The following SRBD1 variants were observed in gnomAD, a reference collection of about 807,000 sequenced individuals.
The protein encoded by SRBD1 is S1 RNA-binding domain-containing protein 1.
Under a neutral mutation model 115.3 loss-of-function variants are expected in SRBD1, and 88 were observed. That is an observed-to-expected ratio of 0.76 (90% CI 0.64 to 0.91). The LOEUF is 0.91. Ranked by LOEUF, SRBD1 falls within the 40% of genes least tolerant of loss-of-function variation. The pLI is 0.00. For missense variants in SRBD1, 1,385 were observed against 1,177.4 expected (o/e 1.18, Z -2.58); for synonymous variants, 509 against 407.7 (o/e 1.25, Z -2.99).
intron 14 of SRBD1, among the ~76,000 whole-genome samples, chr2:45,513,247 C>G (rs1233645931): frequency 1.3e-5 from 2 of 152,114 alleles, no homozygotes; most frequent in African/African-American, 4.8e-5. Flanking sequence ...TCATACGAAA[C>G]TGTGTTAGCC....
intron 14 of SRBD1, among the ~76,000 whole-genome samples, chr2:45,538,991 A>G (rs967412529): frequency 6.6e-6 from 1 of 152,214 alleles, no homozygotes; most frequent in African/African-American, 2.4e-5. Flanking sequence ...TATCCTGAGG[A>G]AAGAACTAAA....
intron 14 of SRBD1, among the ~76,000 whole-genome samples, chr2:45,541,716 AG>A (rs1384339601): frequency 6.6e-6 from 1 of 152,166 alleles, no homozygotes; most frequent in Non-Finnish European, 1.5e-5. Flanking sequence ...GGCAGTGGGT[AG>A]CCCCATTCTG....
At chr2:45,422,977 A>C (rs534219646) in intron 16 of SRBD1, among the ~76,000 whole-genome samples, 2 of 152,342 alleles carry the variant, frequency 1.3e-5, no homozygotes, top group African/African-American at 4.8e-5. Context: ...GATAGTGACA[A>C]AATTGAGAGA....
rs1365665325 is a variant in SRBD1 at position 45,393,117 on chromosome 2, G to A, written c.2526C>T (p.Ser842=). 1.2e-6 allele frequency: 2 copies of A among 1,600,418 alleles called. No individual in the cohort carries two copies. The highest frequency in any genetic ancestry group is 1.7e-6 in the Non-Finnish European group (2 of 1,175,854). Reference sequence around the variant, plus strand: ...CAACCTCATACAGTGTCCCTCCAATGGATGACAAAAACCTGCAGTGGAAAA... The same window carrying A: ...CAACCTCATACAGTGTCCCTCCAATAGATGACAAAAACCTGCAGTGGAAAA... ...SYDIAMRFLS[S]IGGTLYEVGK... is the part of the protein sequence containing the mutation. The change falls in exon 20 of 21, where the codon TCC becomes TCT. Residue 842 remains serine (S), a synonymous_variant. Transcript: ENST00000263736.
intron 16 of SRBD1, among the ~76,000 whole-genome samples, chr2:45,471,350 T>C (rs1161104581): frequency 6.6e-6 from 1 of 152,188 alleles, no homozygotes; most frequent in Non-Finnish European, 1.5e-5. Flanking sequence ...TTTAAAATAC[T>C]ACAAGAACAA....
At chr2:45,437,336 C>G (rs1668527295) in intron 16 of SRBD1, among the ~76,000 whole-genome samples, 1 of 129,662 alleles carries the variant, frequency 7.7e-6, no homozygotes, top group African/African-American at 3.0e-5. Flanking sequence ...GCATAGTAAT[C>G]AAGACACTGC....
intron 3 of SRBD1, 104 bp downstream of exon 3, chr2:45,601,799 G>T: frequency 1.4e-6 from 2 of 1,463,724 alleles, no homozygotes; most frequent in South Asian, 2.8e-5. Flanking sequence ...ATTGCTGGCA[G>T]TTTTTGTCAT....
At chr2:45,499,617 T>C (rs1670563720) in intron 14 of SRBD1, among the ~76,000 whole-genome samples, 1 of 152,218 alleles carries the variant, frequency 6.6e-6, no homozygotes, top group African/African-American at 2.4e-5. Context: ...TTTAGCAGTT[T>C]TATAGTTTCA....
At chr2:45,535,292 A>G (rs1223043290) in intron 14 of SRBD1, among the ~76,000 whole-genome samples, 1 of 151,620 alleles carries the variant, frequency 6.6e-6, no homozygotes, top group African/African-American at 2.4e-5. Context: ...GCTGAGGTCC[A>G]GATGTTTCTA....
At chr2:45,405,123 C>T (rs922104375) in intron 19 of SRBD1, among the ~76,000 whole-genome samples, 2 of 152,170 alleles carry the variant, frequency 1.3e-5, no homozygotes, top group Admixed American at 1.3e-4. Context: ...TTTTATCACA[C>T]TGTATAATTT....
At chr2:45,453,511 T>C (rs959729609) in intron 16 of SRBD1, among the ~76,000 whole-genome samples, 2 of 151,832 alleles carry the variant, frequency 1.3e-5, no homozygotes, top group African/African-American at 4.8e-5. Context: ...TTTTAATCAC[T>C]CCAGGGAAGA....
intron 9 of SRBD1, among the ~76,000 whole-genome samples, chr2:45,571,534 A>C (rs906111724): frequency 6.7e-6 from 1 of 149,910 alleles, no homozygotes; most frequent in Non-Finnish European, 1.5e-5. Context: ...AAAAAAAAAA[A>C]AAAAAAAACT....
At chr2:45,422,150 G>A (rs1280074582) in intron 16 of SRBD1, among the ~76,000 whole-genome samples, 2 of 152,134 alleles carry the variant, frequency 1.3e-5, no homozygotes, top group Non-Finnish European at 2.9e-5. Flanking sequence ...AAGAATAATC[G>A]TTAAGAGCCA....
chr2:45,558,687 T>TA (rs1222158572), intron 10 of SRBD1, among the ~76,000 whole-genome samples: 6 of 118,100 alleles, frequency 5.1e-5, no homozygotes, highest in Non-Finnish European at 1.0e-4. Flanking sequence ...ACACAATTAT[T>TA]TTTTTTTTTT....
At chr2:45,495,760 C>T (rs368507587) in intron 14 of SRBD1, among the ~76,000 whole-genome samples, 1 of 152,096 alleles carries the variant, frequency 6.6e-6, no homozygotes, top group Non-Finnish European at 1.5e-5. Context: ...TGGAAGAAAC[C>T]GTTGTTTGCA....
intron 14 of SRBD1, among the ~76,000 whole-genome samples, chr2:45,501,745 G>A (rs1431541315): frequency 2.6e-5 from 4 of 152,178 alleles, no homozygotes; most frequent in Non-Finnish European, 4.4e-5. Flanking sequence ...CTGGGGTAGG[G>A]GCACCTGCCA....
intron 15 of SRBD1, among the ~76,000 whole-genome samples, chr2:45,484,993 T>C (rs1435856410): frequency 2.0e-5 from 3 of 152,240 alleles, no homozygotes; most frequent in African/African-American, 7.2e-5. Context: ...TTTCATCATG[T>C]GAGTTGTTTC....
intron 14 of SRBD1, among the ~76,000 whole-genome samples, chr2:45,541,194 G>A (rs1344816741): frequency 6.6e-6 from 1 of 152,232 alleles, no homozygotes; most frequent in East Asian, 1.9e-4. Context: ...GCTGTGGCTG[G>A]ACCAGATATA....
rs1444317330 is a variant in SRBD1 at position 45,499,771 on chromosome 2, G to A, written c.1875-11440C>T. Reference sequence around the variant, plus strand: ...AGAGGCTGTCCTTTCCCCAGTGTGTGTTCTTGGCACCACTGTCAAAATGAG... The same window carrying A: ...AGAGGCTGTCCTTTCCCCAGTGTGTATTCTTGGCACCACTGTCAAAATGAG... On this transcript the variant is annotated intron_variant, in intron 14 of 20. Coordinates refer to ENST00000263736, the MANE Select transcript of SRBD1 (RefSeq NM_018079.5). Among the ~76,000 whole-genome samples the A allele has an allele frequency of 2.0e-5, 3 of 152,184 alleles. No homozygotes were observed. In the East Asian group the frequency reaches 5.8e-4, roughly 29 times the overall value.
Sources: allele counts gnomAD v4.1 joint callset (sites outside exome capture counted in the v4.1 genomes callset), GRCh38; gene constraint gnomAD v4.1.1; transcripts MANE v1.5; gene names NCBI Gene and HGNC (gene_info 2026-07-23, HGNC 2026-07-21).